The following NVL variants were observed in gnomAD, a reference collection of about 807,000 sequenced individuals.
The protein encoded by NVL is nuclear valosin-containing protein-like.
In NVL, 84 loss-of-function variants were observed where a neutral mutation model predicts 110.2. The ratio of observed to expected loss-of-function variants is 0.76; its 90% CI spans 0.64 to 0.91. The LOEUF is 0.91. NVL is among the 40% of genes least tolerant of loss of function. The pLI, the probability that NVL is intolerant of heterozygous loss-of-function variation, is 0.00. For missense variants in NVL, 882 were observed against 1,035.9 expected, an observed-to-expected ratio of 0.85 and a Z score of 2.04; for synonymous variants, 354 against 361.1, an observed-to-expected ratio of 0.98 and a Z score of 0.22.
At chr1:224,258,064 T>A (rs1290848760) in intron 18 of NVL, among the ~76,000 whole-genome samples, 1 of 152,162 alleles carries the variant, frequency 6.6e-6, no homozygotes, top group Non-Finnish European at 1.5e-5. Context: ...TAAATTGGAA[T>A]TTATCAAAAT....
intron 18 of NVL, among the ~76,000 whole-genome samples, chr1:224,254,877 GTTT>G (rs34538115): frequency 5.3e-5 from 5 of 94,916 alleles, no homozygotes; most frequent in African/African-American, 3.6e-5. Flanking sequence ...AAATGGTGTA[GTTT>G]TTTTTTTTTT....
At chr1:224,298,620 T>A (rs1478251293) in intron 10 of NVL, 2 of 198,604 alleles carry the variant, frequency 1.0e-5, no homozygotes, top group Non-Finnish European at 2.2e-5. Flanking sequence ...ATAAAAGACC[T>A]CTGGACTGTA....
chr1:224,264,737 T>TTTA (rs140321720), intron 18 of NVL, among the ~76,000 whole-genome samples: 6 of 151,458 alleles, frequency 4.0e-5, no homozygotes, highest in African/African-American at 1.5e-4. Context: ...ATCTAGAACG[T>TTTA]TTATTATTAT....
intron 18 of NVL, among the ~76,000 whole-genome samples, chr1:224,265,557 G>A (rs1463523608): frequency 6.6e-6 from 1 of 152,036 alleles, no homozygotes; most frequent in African/African-American, 2.4e-5. Flanking sequence ...ATATGGTGCG[G>A]GCTGTTAACG....
intron 2 of NVL, among the ~76,000 whole-genome samples, 159 bp downstream of exon 2, chr1:224,326,232 G>A (rs753209088): frequency 6.6e-6 from 1 of 152,196 alleles, no homozygotes; most frequent in East Asian, 1.9e-4. Context: ...ATAGGTATTT[G>A]ATAAATGTTT....
At chr1:224,309,373 C>T (rs1268769479) in intron 5 of NVL, among the ~76,000 whole-genome samples, 2 of 151,828 alleles carry the variant, frequency 1.3e-5, no homozygotes, top group African/African-American at 4.8e-5. Context: ...TTAAAATTTA[C>T]CCAGGCATGG....
chr1:224,309,291 G>T (rs1669283993), intron 5 of NVL, among the ~76,000 whole-genome samples: 1 of 152,098 alleles, frequency 6.6e-6, no homozygotes, highest in African/African-American at 2.4e-5. Flanking sequence ...GGCCAAACTG[G>T]GAGAACTGCT....
intron 11 of NVL, among the ~76,000 whole-genome samples, chr1:224,295,286 A>G (rs917303853): frequency 2.6e-5 from 4 of 151,782 alleles, no homozygotes; most frequent in Non-Finnish European, 4.4e-5. Flanking sequence ...TCTGCCTCCC[A>G]GGTTCATGCC....
intron 19 of NVL, among the ~76,000 whole-genome samples, chr1:224,237,766 G>A (rs1443102652): frequency 5.3e-5 from 7 of 132,076 alleles, no homozygotes; most frequent in Non-Finnish European, 1.1e-4. Flanking sequence ...GCTCTGGAGT[G>A]CAGTGGTGCG....
chr1:224,253,288 G>C (rs1314393739), intron 18 of NVL, among the ~76,000 whole-genome samples: 1 of 151,516 alleles, frequency 6.6e-6, no homozygotes, highest in Admixed American at 6.6e-5. Flanking sequence ...CTGACCTCAT[G>C]ATCCACCCGC....
chr1:224,292,377 G>C (rs1667455471), intron 12 of NVL, among the ~76,000 whole-genome samples: 1 of 152,140 alleles, frequency 6.6e-6, no homozygotes, highest in Non-Finnish European at 1.5e-5. Flanking sequence ...TCACTTTACA[G>C]ATAAAGTTAT....
intron 4 of NVL, among the ~76,000 whole-genome samples, chr1:224,315,809 T>C (rs878959870): frequency 6.6e-6 from 1 of 152,234 alleles, no homozygotes; most frequent in Non-Finnish European, 1.5e-5. Context: ...ATATGTTACA[T>C]TGCATTTTGT....
At chr1:224,271,101 AATT>A (rs1665049723) in intron 17 of NVL, among the ~76,000 whole-genome samples, 1 of 152,246 alleles carries the variant, frequency 6.6e-6, no homozygotes, top group Admixed American at 6.5e-5. Flanking sequence ...AAAACAGGAG[AATT>A]ATTATGTAAA....
intron 4 of NVL, chr1:224,312,515 C>T (rs1669621049): frequency 6.6e-6 from 1 of 152,180 alleles, no homozygotes; most frequent in South Asian, 2.1e-4. Flanking sequence ...GTATTTAATA[C>T]TTCTTTGGAA....
intron 17 of NVL, among the ~76,000 whole-genome samples, chr1:224,270,402 C>G (rs2102830822): frequency 6.6e-6 from 1 of 151,948 alleles, no homozygotes; most frequent in African/African-American, 2.4e-5. Context: ...ACTAAAAATA[C>G]AAAAAATTAG....
intron 19 of NVL, among the ~76,000 whole-genome samples, chr1:224,249,617 C>T (rs1462641330): frequency 6.6e-6 from 1 of 152,132 alleles, no homozygotes; most frequent in Non-Finnish European, 1.5e-5. Context: ...TGGTGGCGAG[C>T]ACCTGTAGTC....
At chr1:224,240,401 C>A (rs968211665) in intron 19 of NVL, among the ~76,000 whole-genome samples, 5 of 151,736 alleles carry the variant, frequency 3.3e-5, no homozygotes, top group African/African-American at 1.2e-4. Context: ...TTAGTAGAGA[C>A]GGGGTTTCAC....
chr1:224,329,327 A>T (rs918657294), intron 1 of NVL, among the ~76,000 whole-genome samples: 10 of 112,744 alleles, frequency 8.9e-5, no homozygotes, highest in African/African-American at 2.6e-4. Flanking sequence ...ATGGATAGAT[A>T]AGAAAGGTGT....
intron 8 of NVL, among the ~76,000 whole-genome samples, chr1:224,304,480 T>A (rs1486709831): frequency 6.6e-6 from 1 of 151,986 alleles, no homozygotes; most frequent in East Asian, 1.9e-4. Context: ...ACCATTACTA[T>A]TAGTATTGCT....
Sources: allele counts gnomAD v4.1 joint callset (sites outside exome capture counted in the v4.1 genomes callset), GRCh38; gene constraint gnomAD v4.1.1; transcripts MANE v1.5; gene names NCBI Gene and HGNC (gene_info 2026-07-23, HGNC 2026-07-21).